Variants in SPHKAP observed in about 807,000 individuals in gnomAD.
SPHKAP encodes A-kinase anchor protein SPHKAP.
SPHKAP carries 67 observed loss-of-function variants against 137.5 expected under a neutral mutation model. That is an observed-to-expected ratio of 0.49 (90% CI 0.40 to 0.60). SPHKAP has a LOEUF of 0.60. SPHKAP is among the 20% of genes least tolerant of loss of function. The pLI, the probability that SPHKAP is intolerant of heterozygous loss-of-function variation, is 0.00. For synonymous variants in SPHKAP, 813 were observed against 785.3 expected (o/e 1.04, Z -0.59); for missense variants, 2,097 against 2,069.3 (o/e 1.01, Z -0.26).
Position 228,017,391 on chromosome 2 carries a change from T to C in SPHKAP, c.3463A>G (p.Asn1155Asp), listed in dbSNP as rs1434979092. The change falls in exon 7 of 12, where the codon AAC (asparagine) becomes GAC (aspartate). Residue 1155 changes from asparagine (N) to aspartate (D), a missense_variant. Physicochemically the swap from Asn to Asp is conservative, Grantham distance 23 (BLOSUM62 1). Coordinates refer to ENST00000392056, the MANE Select transcript of SPHKAP (RefSeq NM_001142644.2). The part of the protein sequence containing the change: ...ELLLDYYAGK[N>D]ASSILNSAMQ... ...GCTGAGTTCAGAATGCTGCTGGCGT[T>C]CTTGCCAGCATAGTAATCCAGCAGT... 1 of 1,614,062 alleles carries C rather than the reference T, an allele frequency of 6.2e-7. No individual in the cohort carries two copies.
At chr2:228,056,288 C>A (rs921116896) in intron 3 of SPHKAP, among the ~76,000 whole-genome samples, 1 of 152,110 alleles carries the variant, frequency 6.6e-6, no homozygotes. Flanking sequence ...GTCATGGCAC[C>A]CTGATGATCA....
chr2:228,181,420 G>T lies in SPHKAP; in HGVS notation c.32+147C>A. 1 of 1,137,452 alleles carries T rather than the reference G, an allele frequency of 8.8e-7. No homozygotes were observed. The highest frequency in any genetic ancestry group is 1.3e-5 in the South Asian group (1 of 77,126). The allele number at this position is 1,137,452 out of a possible 1,614,324, so 70.5% of individuals were successfully genotyped here. A position where few individuals can be genotyped will look rare whatever the true frequency, so the allele number is the denominator to read the frequency against. ...CTGTAGCTCCAGCGAGGCTGGGCCGGACTTATTTACAAGTGCAGTGACCCC... is the reference window on the plus strand; with the variant it reads ...CTGTAGCTCCAGCGAGGCTGGGCCGTACTTATTTACAAGTGCAGTGACCCC... On this transcript the variant is annotated intron_variant, in intron 1 of 11. Coordinates refer to ENST00000392056, the MANE Select transcript of SPHKAP (RefSeq NM_001142644.2). This position sits in a 1 kb window ranked among gnomAD's most constrained non-coding sequence, Gnocchi z 4.3.
intron 3 of SPHKAP, among the ~76,000 whole-genome samples, chr2:228,085,414 T>C (rs938420362): frequency 1.3e-5 from 2 of 152,186 alleles, no homozygotes; most frequent in Non-Finnish European, 2.9e-5. Context: ...CTAAGCTCTC[T>C]TGTAGGCCAA....
intron 1 of SPHKAP, among the ~76,000 whole-genome samples, chr2:228,146,543 G>A (rs927470467): frequency 6.0e-4 from 92 of 152,132 alleles, no homozygotes; most frequent in African/African-American, 2.1e-3. Flanking sequence ...GCACCCAATA[G>A]TTATTTTTTC....
chr2:228,069,112 C>G (rs1376666592), intron 3 of SPHKAP, among the ~76,000 whole-genome samples: 1 of 152,064 alleles, frequency 6.6e-6, no homozygotes, highest in African/African-American at 2.4e-5. Context: ...ACTAAAAATA[C>G]AAAAATTAGC....
intron 1 of SPHKAP, among the ~76,000 whole-genome samples, chr2:228,150,264 G>A (rs1029684164): frequency 6.6e-6 from 1 of 152,140 alleles, no homozygotes; most frequent in Non-Finnish European, 1.5e-5. Flanking sequence ...TCATGAATGA[G>A]ACTTGCTATA....
chr2:228,157,924 G>A (rs1393800973), intron 1 of SPHKAP, among the ~76,000 whole-genome samples: 1 of 152,148 alleles, frequency 6.6e-6, no homozygotes, highest in Non-Finnish European at 1.5e-5. Flanking sequence ...GTTTTAGATA[G>A]TTTTACTTTT....
At chr2:228,112,282 C>T (rs570533550) in intron 2 of SPHKAP, among the ~76,000 whole-genome samples, 88 of 152,194 alleles carry the variant, frequency 5.8e-4, no homozygotes, top group African/African-American at 2.0e-3. Context: ...AAAATACAGG[C>T]ATCAAATGAA....
At chr2:228,034,190 A>G (rs1392325922) in intron 3 of SPHKAP, among the ~76,000 whole-genome samples, 4 of 152,236 alleles carry the variant, frequency 2.6e-5, no homozygotes, top group African/African-American at 9.6e-5. Flanking sequence ...AAAAATGATA[A>G]AGGTGATATC....
intron 7 of SPHKAP, among the ~76,000 whole-genome samples, chr2:228,005,916 G>T (rs941371979): frequency 6.6e-6 from 1 of 152,252 alleles, no homozygotes; most frequent in Non-Finnish European, 1.5e-5. Flanking sequence ...TCAGCTGTTA[G>T]TCTGATGGGC....
At chr2:227,995,991 A>G (rs973763656) in intron 7 of SPHKAP, 129 of 985,422 alleles carry the variant, frequency 1.3e-4, no homozygotes, top group Non-Finnish European at 1.5e-4. Context: ...TTATTGAGGG[A>G]CAATGATGTT....
Position 228,108,895 on chromosome 2 carries a change from C to T in SPHKAP, c.183G>A (p.Leu61=). The change falls in exon 3 of 12, where the codon TTG becomes TTA. Residue 61 remains leucine, a synonymous_variant. Coordinates refer to ENST00000392056, the MANE Select transcript of SPHKAP (RefSeq NM_001142644.2). ...TTTGGCAGGGCATCCTCTGATTCTG[C>T]AACCAGTAGTCTGTTGACTCCAGCA... is the stretch of plus-strand genomic sequence containing the variant. The part of the protein sequence containing the change: ...NSLLESTDYW[L]QNQRMPCQIG... 1 of 1,610,248 alleles carries T rather than the reference C, an allele frequency of 6.2e-7. No homozygotes were observed. The highest frequency in any genetic ancestry group is 8.5e-7 in the Non-Finnish European group (1 of 1,179,186).
intron 2 of SPHKAP, among the ~76,000 whole-genome samples, chr2:228,122,140 T>G (rs373913667): frequency 2.6e-5 from 4 of 152,088 alleles, no homozygotes; most frequent in African/African-American, 7.2e-5. Context: ...TGGACAGATA[T>G]ATTTAATACA....
chr2:228,031,448 C>T (rs1261099925), intron 3 of SPHKAP, among the ~76,000 whole-genome samples: 5 of 152,220 alleles, frequency 3.3e-5, no homozygotes, highest in Admixed American at 3.3e-4. Flanking sequence ...GGGCAGGGCA[C>T]AGACAAACAA....
chr2:228,125,528 G>A (rs548089056), intron 2 of SPHKAP, among the ~76,000 whole-genome samples: 7 of 152,162 alleles, frequency 4.6e-5, no homozygotes, highest in East Asian at 1.9e-4. Context: ...TTACATCACC[G>A]GCCTAACCAC....
intron 3 of SPHKAP, among the ~76,000 whole-genome samples, chr2:228,064,285 A>G (rs1265836475): frequency 1.3e-5 from 2 of 152,200 alleles, no homozygotes; most frequent in Admixed American, 1.3e-4. Flanking sequence ...CAGGCAGAAG[A>G]ATCACGACTC....
Position 228,017,626 on chromosome 2 carries a change from G to T in SPHKAP, c.3228C>A (p.Ser1076Arg), listed in dbSNP as rs1054419559. ...RNRLLSGDRW[S>R]RLKASSCESI... The stretch of plus-strand genomic sequence containing the variant: ...TTTCGCAGCTGGAGGCCTTCAGCCG[G>T]CTCCACCTGTCGCCACTCAGTAACC... The change falls in exon 7 of 12, where the codon AGC (serine) becomes AGA (arginine). Residue 1076 changes from serine to arginine, a missense_variant. Physicochemically the swap from Ser to Arg is moderately radical, Grantham distance 110. Transcript: ENST00000392056. 5 of 1,613,804 alleles carry T rather than the reference G, an allele frequency of 3.1e-6. No homozygotes were observed. In the Admixed American group the frequency reaches 5.0e-5, roughly 16 times the overall value.
intron 2 of SPHKAP, among the ~76,000 whole-genome samples, chr2:228,109,838 G>A (rs752564069): frequency 6.7e-6 from 1 of 149,656 alleles, no homozygotes; most frequent in Non-Finnish European, 1.5e-5. Flanking sequence ...GTGGTGGTGC[G>A]CCCCTGTAAT....
chr2:228,126,238 A>G (rs890029817), intron 2 of SPHKAP, among the ~76,000 whole-genome samples: 2 of 152,204 alleles, frequency 1.3e-5, no homozygotes, highest in Non-Finnish European at 2.9e-5. Context: ...ATCATTTTAA[A>G]TGCATTATTT....
Sources: gnomAD v4.1 joint callset for allele counts (sites outside exome capture counted in the v4.1 genomes callset) on GRCh38, gnomAD v4.1.1 for gene constraint, Gnocchi (gnomAD v3.1) non-coding constraint, MANE v1.5 for transcripts, NCBI Gene and HGNC (gene_info 2026-07-23, HGNC 2026-07-21) for gene names.